HTT: variants seen among roughly 807,000 people sequenced by gnomAD.
HTT encodes the protein huntington disease protein.
HTT carries 104 observed loss-of-function variants against 362.3 expected under a neutral mutation model. The ratio of observed to expected loss-of-function variants is 0.29; its 90% CI spans 0.24 to 0.34. The LOEUF (loss-of-function observed/expected upper bound fraction) is 0.34. Among genes scored for constraint, HTT ranks in the 10% least tolerant of loss-of-function variants. The probability of loss-of-function intolerance (pLI) is 1.00; values close to 1 mark genes in which losing one functional copy is unlikely to be tolerated. For missense variants in HTT, 3,301 were observed against 3,928.6 expected (o/e 0.84, Z 4.27); for synonymous variants, 1,577 against 1,548.7 (o/e 1.02, Z -0.43).
intron 6 of HTT, among the ~76,000 whole-genome samples, chr4:3,112,255 C>T (rs1172173710): frequency 2.6e-5 from 4 of 152,200 alleles, no homozygotes; most frequent in Non-Finnish European, 2.9e-5. Context: ...AACACTGATA[C>T]TCCCTTGTTT....
intron 29 of HTT, among the ~76,000 whole-genome samples, chr4:3,161,814 G>A (rs1477755914): frequency 6.6e-6 from 1 of 152,040 alleles, no homozygotes; most frequent in Non-Finnish European, 1.5e-5. Context: ...TGTAGATTCT[G>A]GATGTTAATC....
intron 29 of HTT, among the ~76,000 whole-genome samples, chr4:3,161,111 C>T (rs1355264693): frequency 6.6e-6 from 1 of 152,120 alleles, no homozygotes; most frequent in African/African-American, 2.4e-5. Flanking sequence ...GTGATGTTCT[C>T]CTCCCTGTGC....
rs763430638 is a variant in HTT, at chr4:3,131,296, T to C, written c.1997T>C (p.Ile666Thr). 3.1e-6 allele frequency: 5 copies of C among 1,612,538 alleles called. No individual in the cohort carries two copies. In the African/African-American group the frequency reaches 6.7e-5, roughly 22 times the overall value. The change falls in exon 15 of 67, where the codon ATC becomes ACC. Residue 666 changes from isoleucine (I) to threonine (T), a missense_variant. Physicochemically the swap from Ile to Thr is moderately conservative, Grantham distance 89. Coordinates refer to ENST00000355072, the MANE Select transcript of HTT (RefSeq NM_001388492.1). ...PGDQENKPCRIKGDIGQSTDD... is the reference protein window; with the variant it reads ...PGDQENKPCRTKGDIGQSTDD... ...TTGTCTCCTTTCTAGCCTTGCCGCA[T>C]CAAAGGTGACATTGGACAGTCCACT... is the stretch of plus-strand genomic sequence containing the variant.
intron 29 of HTT, among the ~76,000 whole-genome samples, chr4:3,167,362 C>T (rs1271883632): frequency 2.6e-5 from 4 of 152,308 alleles, no homozygotes; most frequent in South Asian, 2.1e-4. Context: ...TCAGCCACCA[C>T]GCCCAGCCAT....
At chr4:3,109,317 C>T (rs554855868) in intron 6 of HTT, among the ~76,000 whole-genome samples, 1 of 148,870 alleles carries the variant, frequency 6.7e-6, no homozygotes, top group East Asian at 2.0e-4. Context: ...ACCTCTGTCT[C>T]CCGGGTTCAA....
At chr4:3,146,312 T>G (rs973198598) in intron 24 of HTT, among the ~76,000 whole-genome samples, 2 of 152,244 alleles carry the variant, frequency 1.3e-5, no homozygotes, top group African/African-American at 4.8e-5. Context: ...CTACAAGATA[T>G]GGCGTGTTAA....
chr4:3,128,565 A>G (rs1322012994), intron 12 of HTT: 1 of 152,228 alleles, frequency 6.6e-6, no homozygotes, highest in Non-Finnish European at 1.5e-5. Flanking sequence ...ATGAAATGTG[A>G]TTAATACTGT....
Position 3,238,672 on chromosome 4 carries a change from TC to T in HTT, c.9054+66del, listed in dbSNP as rs1415801786. 22 of 1,525,806 alleles carry T rather than the reference TC, an allele frequency of 1.4e-5. No individual in the cohort carries two copies. The East Asian group carries it at 5.0e-4, about 35-fold the overall frequency. 94.5% of individuals were successfully genotyped at this position (1,525,806 alleles called of 1,614,324 possible). On this transcript the variant is annotated intron_variant, in intron 65 of 66. Transcript: ENST00000355072. ...CCTGGAGGTGGAGTTGCCTCCGACT[TC>T]CCAGCAGATTCGCCAGCAGAGCCCA...
rs778254019 is a variant in HTT at position 3,234,431 on chromosome 4, C to T, written c.8457-853C>T. Among the ~76,000 whole-genome samples, 121 of 152,252 alleles carry T rather than the reference C, an allele frequency of 7.9e-4. 2 individuals are homozygous for T. Among genetic ancestry groups the T allele is most frequent in the Non-Finnish European group, 3.1e-4 (21 of 68,046 alleles). On this transcript the variant is annotated intron_variant, in intron 61 of 66. Transcript: ENST00000355072. ...GAGCCTGGCATAGGGCCAAGTCACA[C>T]GGGGCACAGGCCTGCAAATCAGGCA...
chr4:3,083,149 T>C (rs1713004991), intron 1 of HTT, among the ~76,000 whole-genome samples: 1 of 151,958 alleles, frequency 6.6e-6, no homozygotes, highest in Non-Finnish European at 1.5e-5. Context: ...CTGCGAGAGA[T>C]GAGAGGTTAG....
intron 1 of HTT, among the ~76,000 whole-genome samples, chr4:3,081,087 C>T (rs1204962802): frequency 6.6e-6 from 1 of 152,094 alleles, no homozygotes; most frequent in Non-Finnish European, 1.5e-5. Flanking sequence ...CATTTCCGTA[C>T]GAATTGTAGG....
intron 29 of HTT, among the ~76,000 whole-genome samples, chr4:3,169,938 A>G (rs189166059): frequency 6.6e-4 from 100 of 152,352 alleles, no homozygotes; most frequent in Middle Eastern, 3.4e-3. Context: ...TCTTTTAAAA[A>G]TGTCTCCCTG....
At chr4:3,112,990 A>C in intron 6 of HTT, 1 of 950,844 alleles carries the variant, frequency 1.1e-6, no homozygotes, top group Non-Finnish European at 1.3e-6. Flanking sequence ...CATTCCTTAA[A>C]GTACCCTTGG....
chr4:3,157,311 T>C, intron 28 of HTT, 112 bp downstream of exon 28: 1 of 1,008,944 alleles, frequency 9.9e-7, no homozygotes, highest in Non-Finnish European at 1.5e-6. Flanking sequence ...GAGATATGAG[T>C]TACATTTAGT....
rs371087169 is a variant in HTT, at chr4:3,202,802, G to A, written c.5577-1205G>A. On this transcript the variant is annotated intron_variant, in intron 41 of 66. Coordinates refer to ENST00000355072, the MANE Select transcript of HTT (RefSeq NM_001388492.1). ...TGAAGTGGGAGGATGACTTGAGGCT[G>A]GGAGTTCAAGACTAGCCTGGGCTGC... Among the ~76,000 whole-genome samples, 9 of 152,090 alleles carry A rather than the reference G, an allele frequency of 5.9e-5. No homozygotes were observed. In the East Asian group the frequency reaches 1.7e-3, roughly 29 times the overall value.
At chr4:3,220,377 A>G (rs1720617867) in intron 53 of HTT, 69 bp downstream of exon 53, 21 of 1,470,782 alleles carry the variant, frequency 1.4e-5, no homozygotes, top group Non-Finnish European at 2.0e-5. Context: ...CAGAGCCCCC[A>G]GTACTGGGAT....
intron 47 of HTT, among the ~76,000 whole-genome samples, chr4:3,211,665 C>G (rs1333706764): frequency 1.3e-5 from 2 of 151,880 alleles, no homozygotes; most frequent in Non-Finnish European, 2.9e-5. Context: ...CAAGCAAATC[C>G]AAGAGCATAA....
chr4:3,239,113 G>A, intron 66 of HTT, 135 bp downstream of exon 66: 1 of 943,730 alleles, frequency 1.1e-6, no homozygotes, highest in African/African-American at 1.7e-5. Flanking sequence ...TCAGCCCCAG[G>A]GAAGTAAAAT....
intron 1 of HTT, among the ~76,000 whole-genome samples, chr4:3,081,137 C>G (rs1314606776): frequency 1.3e-5 from 2 of 152,174 alleles, no homozygotes; most frequent in Non-Finnish European, 2.9e-5. Context: ...AAGTAGGATT[C>G]TGAGAGGGAT....
Sources: allele counts gnomAD v4.1 joint callset (sites outside exome capture counted in the v4.1 genomes callset), GRCh38; gene constraint gnomAD v4.1.1; transcripts MANE v1.5; gene names NCBI Gene and HGNC (gene_info 2026-07-23, HGNC 2026-07-21).